The following GPHN variants were observed in gnomAD, a reference collection of about 807,000 sequenced individuals.
GPHN encodes the protein gephyrin.
GPHN carries 17 observed loss-of-function variants against 95.5 expected under a neutral mutation model. That is an observed-to-expected ratio of 0.18 (90% CI 0.12 to 0.27). The LOEUF is 0.27. Ranked by LOEUF, GPHN falls within the 10% of genes least tolerant of loss-of-function variation. The pLI is 1.00. For missense variants in GPHN, 660 were observed against 978.1 expected (o/e 0.67, Z 4.34); for synonymous variants, 320 against 322.5 (o/e 0.99, Z 0.08).
the GPHN span, chr14:67,317,003 A>G: frequency 1.1e-6 from 1 of 891,770 alleles, no homozygotes; most frequent in Non-Finnish European, 1.7e-6. Flanking sequence ...GTACTCAGGG[A>G]AAGAGTGATA....
the GPHN span, among the ~76,000 whole-genome samples, chr14:67,500,960 C>T: frequency 2.0e-5 from 3 of 151,334 alleles, no homozygotes; most frequent in African/African-American, 7.3e-5. Flanking sequence ...GCATCATCTT[C>T]CAGATGAAAG....
chr14:67,347,504 T>C, the GPHN span: 8 of 1,344,494 alleles, frequency 6.0e-6, no homozygotes, highest in Middle Eastern at 2.0e-4. Context: ...AGTTCTCTCT[T>C]TTTTTTTTTT....
chr14:66,994,276 G>A (rs925921261), intron 9 of GPHN, among the ~76,000 whole-genome samples: 4 of 152,070 alleles, frequency 2.6e-5, no homozygotes, highest in Non-Finnish European at 5.9e-5. Flanking sequence ...TGAAGCGAGA[G>A]AATTGCTTGA....
At chr14:67,437,573 G>A in the GPHN span, among the ~76,000 whole-genome samples, 2 of 152,314 alleles carry the variant, frequency 1.3e-5, no homozygotes, top group South Asian at 4.1e-4. Context: ...GGCTGTGCGG[G>A]CAGCCGTGGG....
At chr14:67,439,593 C>CTTTCTTTCTTT in the GPHN span, among the ~76,000 whole-genome samples, 12 of 109,848 alleles carry the variant, frequency 1.1e-4, no homozygotes, top group East Asian at 2.7e-3. Context: ...TTCTTTCTTT[C>CTTTCTTTCTTT]TTCTTTCTTT....
At chr14:66,621,722 G>A (rs925340815) in intron 1 of GPHN, among the ~76,000 whole-genome samples, 1 of 152,142 alleles carries the variant, frequency 6.6e-6, no homozygotes, top group South Asian at 2.1e-4. Context: ...GCACCCAGCC[G>A]GCTGTGAAAT....
intron 1 of GPHN, among the ~76,000 whole-genome samples, chr14:66,541,286 C>T (rs2059343560): frequency 6.6e-6 from 1 of 152,090 alleles, no homozygotes; most frequent in African/African-American, 2.4e-5. Flanking sequence ...TGATCCATGG[C>T]ATGTTAGTGT....
the GPHN span, among the ~76,000 whole-genome samples, chr14:67,625,017 C>T: frequency 6.6e-6 from 1 of 152,126 alleles, no homozygotes; most frequent in Non-Finnish European, 1.5e-5. Flanking sequence ...CATAGACCAT[C>T]CCCAGAAAAT....
chr14:66,901,044 A>G (rs533343468), intron 5 of GPHN, among the ~76,000 whole-genome samples: 1 of 152,152 alleles, frequency 6.6e-6, no homozygotes, highest in African/African-American at 2.4e-5. Context: ...AATCCTTACC[A>G]GCATGTGTTA....
At chr14:66,547,872 TAATA>T (rs1415976055) in intron 1 of GPHN, among the ~76,000 whole-genome samples, 4 of 152,236 alleles carry the variant, frequency 2.6e-5, no homozygotes, top group African/African-American at 9.6e-5. Flanking sequence ...AAAAATGAGA[TAATA>T]AATATAAAAG....
At chr14:67,234,677 G>A in the GPHN span, among the ~76,000 whole-genome samples, 1 of 151,982 alleles carries the variant, frequency 6.6e-6, no homozygotes, top group Admixed American at 6.6e-5. Context: ...ACCCTCCCTA[G>A]TAGCTGGGAT....
At chr14:67,587,417 A>T in the GPHN span, 1 of 666,660 alleles carries the variant, frequency 1.5e-6, no homozygotes, top group East Asian at 2.7e-5. Context: ...TTCAGGGCTC[A>T]ACTTTTTAAA....
At chr14:66,959,955 TC>T (rs2153584017) in intron 8 of GPHN, among the ~76,000 whole-genome samples, 1 of 152,230 alleles carries the variant, frequency 6.6e-6, no homozygotes, top group East Asian at 1.9e-4. Flanking sequence ...TTATTTTTTT[TC>T]TTTCTGATCC....
At chr14:67,651,095 G>C in the GPHN span, 1 of 925,954 alleles carries the variant, frequency 1.1e-6, no homozygotes, top group Non-Finnish European at 1.6e-6. Flanking sequence ...TACTGTAAAT[G>C]TATTTGGTTT....
intron 3 of GPHN, among the ~76,000 whole-genome samples, chr14:66,813,754 A>G (rs767537516): frequency 6.6e-6 from 1 of 152,144 alleles, no homozygotes; most frequent in African/African-American, 2.4e-5. Context: ...GTTGGACCTG[A>G]TCTGTCCAGG....
At chr14:67,317,654 A>C in the GPHN span, among the ~76,000 whole-genome samples, 1 of 152,184 alleles carries the variant, frequency 6.6e-6, no homozygotes, top group African/African-American at 2.4e-5. Context: ...ACTGATACAA[A>C]AATTCAAGTA....
chr14:67,249,675 G>T, the GPHN span, among the ~76,000 whole-genome samples: 2 of 152,096 alleles, frequency 1.3e-5, no homozygotes, highest in Non-Finnish European at 2.9e-5. Flanking sequence ...ATCATAATTG[G>T]CTTCACAATT....
chr14:66,952,439 G>C (rs1255276222), intron 8 of GPHN, among the ~76,000 whole-genome samples: 1 of 152,126 alleles, frequency 6.6e-6, no homozygotes, highest in Non-Finnish European at 1.5e-5. Context: ...TTAGCTGATG[G>C]TCATTTGGGT....
chr14:67,546,700 T>A, the GPHN span, among the ~76,000 whole-genome samples: 1 of 152,130 alleles, frequency 6.6e-6, no homozygotes, highest in East Asian at 1.9e-4. Context: ...AGCAGACACA[T>A]GTTTTTAAAA....
Sources: allele counts gnomAD v4.1 joint callset (sites outside exome capture counted in the v4.1 genomes callset), GRCh38; gene constraint gnomAD v4.1.1; transcripts MANE v1.5; gene names NCBI Gene and HGNC (gene_info 2026-07-23, HGNC 2026-07-21).